The following SGMS1 variants were observed in gnomAD, a reference collection of about 807,000 sequenced individuals.
SGMS1 encodes the protein sphingomyelin synthase 1.
SGMS1 carries 13 observed loss-of-function variants against 46.2 expected under a neutral mutation model. The observed-to-expected ratio is 0.28, with a 90% CI of 0.18 to 0.45. SGMS1 has a LOEUF of 0.45. Ranked by LOEUF, SGMS1 falls within the 20% of genes least tolerant of loss-of-function variation. The pLI, the probability that SGMS1 is intolerant of heterozygous loss-of-function variation, is 1.00. For missense variants in SGMS1, 324 were observed against 519.9 expected, an observed-to-expected ratio of 0.62 and a Z score of 3.66; for synonymous variants, 203 against 187.8, an observed-to-expected ratio of 1.08 and a Z score of -0.66.
intron 3 of SGMS1, among the ~76,000 whole-genome samples, chr10:50,489,222 C>T (rs910989378): frequency 6.6e-6 from 1 of 152,142 alleles, no homozygotes; most frequent in Non-Finnish European, 1.5e-5. Context: ...ATACACAAAG[C>T]GTTTGGAGAC....
chr10:50,454,044 C>T (rs1394408547), intron 5 of SGMS1, among the ~76,000 whole-genome samples: 2 of 62,984 alleles, frequency 3.2e-5, no homozygotes, highest in African/African-American at 7.3e-5. Context: ...CATTAATTTA[C>T]ATAGGCAAAA....
intron 2 of SGMS1, among the ~76,000 whole-genome samples, chr10:50,584,423 C>T (rs898323308): frequency 2.0e-5 from 3 of 146,352 alleles, no homozygotes; most frequent in Non-Finnish European, 4.4e-5. Context: ...CACTTGAACC[C>T]GGGAGGCAGA....
At chr10:50,390,127 G>T (rs895185799) in intron 6 of SGMS1, among the ~76,000 whole-genome samples, 1 of 152,020 alleles carries the variant, frequency 6.6e-6, no homozygotes, top group Non-Finnish European at 1.5e-5. Context: ...AATAATAACC[G>T]ATGGTTAAAA....
chr10:50,550,629 G>A (rs1368956251), intron 2 of SGMS1, among the ~76,000 whole-genome samples: 1 of 152,058 alleles, frequency 6.6e-6, no homozygotes, highest in African/African-American at 2.4e-5. Flanking sequence ...TGCTACCCTG[G>A]CATGCCCTGA....
intron 2 of SGMS1, among the ~76,000 whole-genome samples, chr10:50,571,370 T>C (rs1838335058): frequency 6.6e-6 from 1 of 152,224 alleles, no homozygotes; most frequent in Admixed American, 6.5e-5. Context: ...GCAATGGTCA[T>C]TAAGAAAAGA....
At chr10:50,332,251 C>T (rs1377831068) in intron 7 of SGMS1, among the ~76,000 whole-genome samples, 7 of 152,148 alleles carry the variant, frequency 4.6e-5, no homozygotes, top group Non-Finnish European at 1.0e-4. Context: ...TGCGAAGTCC[C>T]TCCTGCCTTG....
intron 6 of SGMS1, among the ~76,000 whole-genome samples, chr10:50,373,494 C>G (rs890901967): frequency 2.6e-5 from 4 of 152,180 alleles, no homozygotes; most frequent in African/African-American, 7.2e-5. Context: ...TAACCTGAGA[C>G]AGTGGCATGG....
intron 3 of SGMS1, among the ~76,000 whole-genome samples, chr10:50,484,201 G>A (rs190224714): frequency 1.1e-4 from 17 of 152,010 alleles, no homozygotes; most frequent in Admixed American, 5.2e-4. Context: ...AATAAAAAAT[G>A]ATAAAGGGAA....
intron 6 of SGMS1, among the ~76,000 whole-genome samples, chr10:50,432,976 C>T (rs1849423922): frequency 6.6e-6 from 1 of 152,106 alleles, no homozygotes; most frequent in African/African-American, 2.4e-5. Flanking sequence ...ACATTAATAG[C>T]CTCTGATGTA....
rs1465431591 is a variant in SGMS1, at chr10:50,333,344, T to G, written c.624-6022A>C. 2.6e-5 allele frequency among the ~76,000 whole-genome samples: 4 copies of G among 152,358 alleles called. No individual in the cohort carries two copies. The East Asian group carries it at 5.8e-4, about 22-fold the overall frequency. The stretch of plus-strand genomic sequence containing the variant: ...TCTGAAGTCCTTTTCTACTTCTTTC[T>G]ACAAATGTTTGTTGCTTAAACCCTT... On this transcript the variant is annotated intron_variant, in intron 7 of 10. Coordinates refer to ENST00000361781, the MANE Select transcript of SGMS1 (RefSeq NM_147156.4).
intron 7 of SGMS1, among the ~76,000 whole-genome samples, chr10:50,329,155 C>T (rs1368146358): frequency 6.6e-6 from 1 of 152,196 alleles, no homozygotes; most frequent in Non-Finnish European, 1.5e-5. Context: ...AAAAGGTACA[C>T]ATACTCACAC....
At chr10:50,329,778 A>G (rs1847588496) in intron 7 of SGMS1, among the ~76,000 whole-genome samples, 1 of 152,218 alleles carries the variant, frequency 6.6e-6, no homozygotes, top group Admixed American at 6.5e-5. Flanking sequence ...CTCCCCTCAC[A>G]TGGGATACAC....
chr10:50,548,802 C>A (rs1214321268), intron 2 of SGMS1, among the ~76,000 whole-genome samples: 1 of 152,064 alleles, frequency 6.6e-6, no homozygotes, highest in Non-Finnish European at 1.5e-5. Context: ...TTTTTGCAAT[C>A]TATCCAACTG....
intron 6 of SGMS1, among the ~76,000 whole-genome samples, chr10:50,357,330 AT>A (rs1848171114): frequency 6.6e-6 from 1 of 152,154 alleles, no homozygotes; most frequent in African/African-American, 2.4e-5. Context: ...GAAAAAAAAA[AT>A]TACTAACCAA....
At chr10:50,490,924 C>A (rs1837561947) in intron 3 of SGMS1, among the ~76,000 whole-genome samples, 2 of 152,134 alleles carry the variant, frequency 1.3e-5, no homozygotes, top group Admixed American at 1.3e-4. Flanking sequence ...AATAACTACA[C>A]CCAGCTCAGA....
Position 50,343,731 on chromosome 10 carries a change from G to A in SGMS1, c.384C>T (p.Tyr128=), listed in dbSNP as rs756375131. 15 of 1,614,040 alleles carry A rather than the reference G, an allele frequency of 9.3e-6. No individual in the cohort carries two copies. The highest frequency in any genetic ancestry group is 5.3e-5 in the African/African-American group (4 of 74,926). Residue 128 remains tyrosine (Y), a synonymous_variant, in exon 7 of 11, where the codon TAC becomes TAT. Coordinates refer to ENST00000361781, the MANE Select transcript of SGMS1 (RefSeq NM_147156.4). ...IPMPELERSQ[Y]PMEWGKTFLA... The stretch of plus-strand genomic sequence containing the variant: ...GAAAAGTCTTGCCCCACTCCATGGG[G>A]TACTGAGAGCGCTCCAGTTCTGGCA...
At chr10:50,609,846 T>C (rs1838733288) in intron 1 of SGMS1, among the ~76,000 whole-genome samples, 1 of 152,180 alleles carries the variant, frequency 6.6e-6, no homozygotes. Flanking sequence ...TTGAAGGCAG[T>C]AGTCATGAAC....
intron 2 of SGMS1, among the ~76,000 whole-genome samples, chr10:50,543,573 C>T (rs1243436534): frequency 6.6e-6 from 1 of 152,196 alleles, no homozygotes; most frequent in African/African-American, 2.4e-5. Flanking sequence ...CAAAGTGTGG[C>T]TGATGTTCCA....
intron 1 of SGMS1, among the ~76,000 whole-genome samples, chr10:50,623,039 G>A (rs372273418): frequency 0.01 from 1,524 of 152,148 alleles, 22 homozygotes; most frequent in South Asian, 0.022. Context: ...CCCGCCCCGC[G>A]GGGGCAGCCC....
Sources: gnomAD v4.1 joint callset for allele counts (sites outside exome capture counted in the v4.1 genomes callset) on GRCh38, gnomAD v4.1.1 for gene constraint, MANE v1.5 for transcripts, NCBI Gene and HGNC (gene_info 2026-07-23, HGNC 2026-07-21) for gene names.